LRMDA: variants seen among roughly 807,000 people sequenced by gnomAD.
The protein encoded by LRMDA is leucine-rich melanocyte differentiation-associated protein.
LRMDA carries 18 observed loss-of-function variants against 29.8 expected under a neutral mutation model. The observed-to-expected ratio is 0.60, with a 90% CI of 0.42 to 0.90. The LOEUF (loss-of-function observed/expected upper bound fraction) is 0.90. Among genes scored for constraint, LRMDA ranks in the 40% least tolerant of loss-of-function variants. LRMDA has a pLI of 0.00. For synonymous variants in LRMDA, 125 were observed against 109.4 expected (o/e 1.14, Z -0.89); for missense variants, 273 against 273.9 (o/e 1.00, Z 0.02).
At chr10:76,514,774 T>C (rs1475116124) in intron 6 of LRMDA, among the ~76,000 whole-genome samples, 1 of 152,128 alleles carries the variant, frequency 6.6e-6, no homozygotes, top group African/African-American at 2.4e-5. Flanking sequence ...TCACATACTT[T>C]ATTACGCCAT....
At chr10:75,575,578 T>C (rs1840493168) in intron 2 of LRMDA, among the ~76,000 whole-genome samples, 1 of 152,110 alleles carries the variant, frequency 6.6e-6, no homozygotes, top group Non-Finnish European at 1.5e-5. Context: ...ATCTTAAAGC[T>C]CAGGATGGCC....
chr10:76,266,709 C>T (rs1372258333), intron 5 of LRMDA, among the ~76,000 whole-genome samples: 1 of 152,058 alleles, frequency 6.6e-6, no homozygotes, highest in Admixed American at 6.5e-5. Context: ...TATATTAGAC[C>T]TTGAGTTAAT....
intron 2 of LRMDA, among the ~76,000 whole-genome samples, chr10:75,667,899 A>C (rs1457302507): frequency 6.6e-6 from 1 of 152,222 alleles, no homozygotes; most frequent in Non-Finnish European, 1.5e-5. Flanking sequence ...CTGGATTAGA[A>C]GCTTTTGAAT....
At chr10:76,166,014 G>T (rs12264170) in intron 5 of LRMDA, among the ~76,000 whole-genome samples, 1 of 152,196 alleles carries the variant, frequency 6.6e-6, no homozygotes, top group African/African-American at 2.4e-5. Context: ...CAGAGGGAAA[G>T]AAGAAATAAT....
Position 76,360,003 on chromosome 10 carries a change from T to A in LRMDA, c.601+35518T>A, listed in dbSNP as rs200250651. ...CATTTCTTTTTCTTTTGTTTTTTTT[T>A]ATTTTTTTGAGACGCAGTTTCGCTC... On this transcript the variant is annotated intron_variant, in intron 6 of 6. Transcript: ENST00000611255. 7.2e-5 allele frequency among the ~76,000 whole-genome samples: 11 copies of A among 152,122 alleles called. No homozygotes were observed. In the East Asian group the frequency reaches 9.7e-4, roughly 13 times the overall value.
intron 2 of LRMDA, among the ~76,000 whole-genome samples, chr10:75,782,600 C>T (rs1414998127): frequency 6.6e-6 from 1 of 152,088 alleles, no homozygotes; most frequent in East Asian, 1.9e-4. Flanking sequence ...CAATTCCGGA[C>T]AGAGAGATGT....
chr10:75,857,595 G>A (rs189791517), intron 2 of LRMDA, among the ~76,000 whole-genome samples: 12 of 152,308 alleles, frequency 7.9e-5, no homozygotes, highest in Middle Eastern at 3.4e-3. Flanking sequence ...CCTTTCACAT[G>A]TAATATAATG....
chr10:76,505,024 TC>T (rs1261215644), intron 6 of LRMDA, among the ~76,000 whole-genome samples: 1 of 152,118 alleles, frequency 6.6e-6, no homozygotes, highest in Non-Finnish European at 1.5e-5. Flanking sequence ...TATTTGCTTG[TC>T]TGAGAAGGAT....
intron 2 of LRMDA, among the ~76,000 whole-genome samples, chr10:75,650,485 A>G (rs1841583770): frequency 7.4e-6 from 1 of 135,250 alleles, no homozygotes; most frequent in South Asian, 2.2e-4. Context: ...TAAATTATTG[A>G]CTTTTTTTTT....
chr10:75,461,607 A>G (rs1287530279), intron 2 of LRMDA, among the ~76,000 whole-genome samples: 4 of 152,122 alleles, frequency 2.6e-5, no homozygotes, highest in East Asian at 1.9e-4. Context: ...CTCCTTCTCT[A>G]TAGGAGATGG....
At chr10:75,941,611 G>A (rs779101928) in intron 2 of LRMDA, among the ~76,000 whole-genome samples, 3 of 152,088 alleles carry the variant, frequency 2.0e-5, no homozygotes, top group Non-Finnish European at 4.4e-5. Context: ...GCAGATCTGC[G>A]ACTTGATTGG....
At chr10:75,797,173 A>G (rs994460615) in intron 2 of LRMDA, among the ~76,000 whole-genome samples, 10 of 151,868 alleles carry the variant, frequency 6.6e-5, no homozygotes, top group African/African-American at 9.7e-5. Context: ...GAAATTTTCT[A>G]TTTCTTCTTG....
intron 2 of LRMDA, among the ~76,000 whole-genome samples, chr10:76,014,415 T>G (rs1232237039): frequency 6.6e-6 from 1 of 152,032 alleles, no homozygotes; most frequent in East Asian, 1.9e-4. Context: ...TCTGGTGTTT[T>G]GTGTGATCAC....
At chr10:75,516,927 G>A (rs1178729243) in intron 2 of LRMDA, among the ~76,000 whole-genome samples, 2 of 152,086 alleles carry the variant, frequency 1.3e-5, no homozygotes, top group South Asian at 2.1e-4. Flanking sequence ...TGGCTAGCCA[G>A]TTTTCCCAGC....
intron 5 of LRMDA, among the ~76,000 whole-genome samples, chr10:76,323,015 A>G (rs532558727): frequency 8.4e-4 from 128 of 152,206 alleles, no homozygotes; most frequent in South Asian, 7.1e-3. Flanking sequence ...AGTGTGCTAA[A>G]AAGTGGAAAA....
At chr10:76,096,258 T>A (rs924545222) in intron 5 of LRMDA, among the ~76,000 whole-genome samples, 1 of 152,184 alleles carries the variant, frequency 6.6e-6, no homozygotes, top group African/African-American at 2.4e-5. Flanking sequence ...AGTTTTTACA[T>A]TTAAGTGTAT....
intron 2 of LRMDA, among the ~76,000 whole-genome samples, chr10:75,579,708 A>G (rs1360050082): frequency 3.3e-5 from 5 of 152,242 alleles, no homozygotes; most frequent in Admixed American, 2.6e-4. Context: ...TGGCACATCA[A>G]AAAGCTTATC....
intron 2 of LRMDA, among the ~76,000 whole-genome samples, chr10:75,580,509 T>G (rs1350133593): frequency 1.3e-5 from 2 of 152,160 alleles, no homozygotes; most frequent in African/African-American, 4.8e-5. Flanking sequence ...AATTTAAAGA[T>G]TCAATGCCTT....
intron 6 of LRMDA, among the ~76,000 whole-genome samples, chr10:76,552,151 T>G (rs776254173): frequency 3.3e-5 from 5 of 152,266 alleles, no homozygotes; most frequent in Non-Finnish European, 7.3e-5. Flanking sequence ...TGGTCCAACC[T>G]GCACTCCAAT....
Sources: allele counts gnomAD v4.1 joint callset (sites outside exome capture counted in the v4.1 genomes callset), GRCh38; gene constraint gnomAD v4.1.1; transcripts MANE v1.5; gene names NCBI Gene and HGNC (gene_info 2026-07-23, HGNC 2026-07-21).